The following RAPGEF2 variants were observed in gnomAD, a reference collection of about 807,000 sequenced individuals.
The protein encoded by RAPGEF2 is Rap guanine nucleotide exchange factor 2.
A neutral mutation model predicts 186.7 loss-of-function variants in RAPGEF2; 54 were observed. The observed-to-expected ratio is 0.29, with a 90% CI of 0.23 to 0.36. The LOEUF is 0.36. RAPGEF2 is among the 10% of genes least tolerant of loss of function. The pLI is 1.00. For missense variants in RAPGEF2, 1,532 were observed against 2,045.0 expected (o/e 0.75, Z 4.84); for synonymous variants, 712 against 705.9 (o/e 1.01, Z -0.14).
At chr4:159,343,992 T>C in intron 22 of RAPGEF2, 44 bp from the exon 23 acceptor site, 1 of 1,521,358 alleles carries the variant, frequency 6.6e-7, no homozygotes, top group East Asian at 2.3e-5. Flanking sequence ...TTTCTGTCTC[T>C]CTTTCTACAC....
chr4:159,156,588 A>G (rs144213419), intron 1 of RAPGEF2, among the ~76,000 whole-genome samples: 7 of 151,986 alleles, frequency 4.6e-5, no homozygotes, highest in African/African-American at 1.5e-4. Flanking sequence ...GCACTGATCA[A>G]CTCATCATTT....
rs1737504263 is a variant in RAPGEF2, at chr4:159,104,118, GCCGGCCAGGGTGCGGAGCGGCC to G, written c.-38_-17del. Reference sequence around the variant, plus strand: ...AGCAGCGGCGCTGGGCCGGGAGGAGGCCGGCCAGGGTGCGGAGCGGCCCCGGCCCGCTCCCAGAGGGGAGATG... The same window carrying G: ...AGCAGCGGCGCTGGGCCGGGAGGAGGCCGGCCCGCTCCCAGAGGGGAGATG... On this transcript the variant is annotated 5_prime_UTR_variant, in exon 1 of 30. Transcript: ENST00000691494. 1 of 1,355,306 alleles carries G rather than the reference GCCGGCCAGGGTGCGGAGCGGCC, an allele frequency of 7.4e-7. No individual in the cohort carries two copies. Among genetic ancestry groups the G allele is most frequent in the Non-Finnish European group, 9.8e-7 (1 of 1,017,592 alleles). The allele number at this position is 1,355,306 out of a possible 1,614,324, so 84.0% of individuals were successfully genotyped here.
Position 159,193,215 on chromosome 4 carries a change from T to C in RAPGEF2, c.156T>C (p.Thr52=). ...TCTTTTACAGGTTAATGTGTGAAAC[T>C]GTGAGATATGAGAGACACGAAGCAA... The part of the protein sequence containing the change: ...REHQLRLMCE[T]VRYERHEANE... Residue 52 remains threonine (T), a synonymous_variant, in exon 3 of 30, where the codon ACT becomes ACC. Coordinates refer to ENST00000691494, the MANE Select transcript of RAPGEF2 (RefSeq NM_001394067.2). 1 of 1,504,524 alleles carries C rather than the reference T, an allele frequency of 6.6e-7. No homozygotes were observed. The highest frequency in any genetic ancestry group is 8.8e-7 in the Non-Finnish European group (1 of 1,131,684). The allele number at this position is 1,504,524 out of a possible 1,614,324, so 93.2% of individuals were successfully genotyped here. A position where few individuals can be genotyped will look rare whatever the true frequency, so the allele number is the denominator to read the frequency against.
chr4:159,157,350 A>C (rs1174963881), intron 1 of RAPGEF2, among the ~76,000 whole-genome samples: 1 of 152,204 alleles, frequency 6.6e-6, no homozygotes, highest in Non-Finnish European at 1.5e-5. Flanking sequence ...ATTGAAAAAA[A>C]AGAAAAAAAG....
intron 25 of RAPGEF2, 60 bp from the exon 26 acceptor site, chr4:159,350,077 A>T (rs1217805282): frequency 1.6e-6 from 2 of 1,236,008 alleles, no homozygotes; most frequent in African/African-American, 3.1e-5. Context: ...TTTATTCATA[A>T]ATGGTGTTTA....
chr4:159,154,421 A>G (rs1743892733), intron 1 of RAPGEF2, among the ~76,000 whole-genome samples: 1 of 151,910 alleles, frequency 6.6e-6, no homozygotes, highest in Non-Finnish European at 1.5e-5. Flanking sequence ...TTTGTGTACT[A>G]TATTTGGAGA....
At chr4:159,351,035 A>G (rs1055927138) in intron 26 of RAPGEF2, 12 of 1,523,670 alleles carry the variant, frequency 7.9e-6, no homozygotes, top group East Asian at 2.4e-5. Context: ...ATGCATCTCA[A>G]TTCTTTTCTC....
At chr4:159,214,099 C>T (rs1750781606) in intron 4 of RAPGEF2, among the ~76,000 whole-genome samples, 1 of 152,092 alleles carries the variant, frequency 6.6e-6, no homozygotes, top group Non-Finnish European at 1.5e-5. Context: ...TGGAAGATTG[C>T]TATCAAAGGT....
At chr4:159,113,247 G>A (rs1036901957) in intron 1 of RAPGEF2, among the ~76,000 whole-genome samples, 2 of 152,156 alleles carry the variant, frequency 1.3e-5, no homozygotes, top group Admixed American at 1.3e-4. Context: ...GATGAAATTT[G>A]AATATTTAGA....
intron 7 of RAPGEF2, among the ~76,000 whole-genome samples, chr4:159,251,018 T>G (rs902488408): frequency 6.6e-6 from 1 of 152,068 alleles, no homozygotes; most frequent in African/African-American, 2.4e-5. Context: ...GCACTCAGAG[T>G]GGCCCGCCGG....
intron 4 of RAPGEF2, among the ~76,000 whole-genome samples, chr4:159,215,843 T>A (rs10013232): frequency 0.46 from 69,219 of 151,886 alleles, 16,661 homozygotes; most frequent in African/African-American, 0.61. Flanking sequence ...CAATAGGAGG[T>A]TGGTAATTAA....
intron 4 of RAPGEF2, among the ~76,000 whole-genome samples, chr4:159,232,432 TCATC>T (rs1379189408): frequency 2.0e-5 from 3 of 152,228 alleles, no homozygotes; most frequent in Non-Finnish European, 4.4e-5. Context: ...TTTTCAAGGT[TCATC>T]CATGTTGTAG....
At chr4:159,262,142 C>T (rs1159443136) in intron 7 of RAPGEF2, among the ~76,000 whole-genome samples, 1 of 152,100 alleles carries the variant, frequency 6.6e-6, no homozygotes. Context: ...TTTGAACAAC[C>T]ACTATGTGTC....
At chr4:159,117,803 C>G (rs1739209143) in intron 1 of RAPGEF2, among the ~76,000 whole-genome samples, 1 of 152,104 alleles carries the variant, frequency 6.6e-6, no homozygotes, top group Admixed American at 6.5e-5. Flanking sequence ...TGGGCATTGA[C>G]ATTTGTTCAT....
intron 1 of RAPGEF2, among the ~76,000 whole-genome samples, chr4:159,132,799 T>G (rs1741255544): frequency 1.3e-5 from 2 of 152,094 alleles, no homozygotes; most frequent in Admixed American, 6.5e-5. Flanking sequence ...TATGATAATG[T>G]TTTTTCTTTC....
chr4:159,285,056 G>A lies in RAPGEF2; in HGVS notation c.544-19286G>A, dbSNP rs146918035. Among the ~76,000 whole-genome samples the A allele has an allele frequency of 4.9e-3, 741 of 152,200 alleles. 12 individuals carry two copies. Among genetic ancestry groups the A allele is most frequent in the African/African-American group, 0.017 (706 of 41,540 alleles). On this transcript the variant is annotated intron_variant, in intron 7 of 29. Transcript: ENST00000691494. Reference sequence around the variant, plus strand: ...CCTGTCTCAAAAAAAGAAAAGAAAAGAAACATACTCTTCTTGTGTTGACTG... The same window carrying A: ...CCTGTCTCAAAAAAAGAAAAGAAAAAAAACATACTCTTCTTGTGTTGACTG...
chr4:159,242,539 C>T (rs1000975793), intron 6 of RAPGEF2, among the ~76,000 whole-genome samples: 2 of 151,940 alleles, frequency 1.3e-5, no homozygotes, highest in Non-Finnish European at 2.9e-5. Flanking sequence ...CCACTAGCAA[C>T]CTGACTACTC....
chr4:159,288,777 C>T (rs908247493), intron 7 of RAPGEF2, among the ~76,000 whole-genome samples: 1 of 152,180 alleles, frequency 6.6e-6, no homozygotes, highest in African/African-American at 2.4e-5. Context: ...CACTCTTTAC[C>T]TTCCAGTCAC....
At chr4:159,248,898 C>A (rs1332894975) in intron 7 of RAPGEF2, among the ~76,000 whole-genome samples, 3 of 152,174 alleles carry the variant, frequency 2.0e-5, no homozygotes, top group African/African-American at 7.2e-5. Flanking sequence ...TATATTACAT[C>A]ATCTCTGCTA....
Sources: allele counts gnomAD v4.1 joint callset (sites outside exome capture counted in the v4.1 genomes callset), GRCh38; gene constraint gnomAD v4.1.1; transcripts MANE v1.5; gene names NCBI Gene and HGNC (gene_info 2026-07-23, HGNC 2026-07-21).